ADGB: variants seen among roughly 807,000 people sequenced by gnomAD.
The protein encoded by ADGB is androglobin.
A neutral mutation model predicts 210.5 loss-of-function variants in ADGB; 172 were observed. The observed-to-expected ratio is 0.82, with a 90% CI of 0.72 to 0.93. ADGB has a LOEUF of 0.93. Ranked by LOEUF, ADGB falls within the 40% of genes least tolerant of loss-of-function variation. The pLI is 0.00. For synonymous variants in ADGB, 658 were observed against 662.7 expected, an observed-to-expected ratio of 0.99 and a Z score of 0.11; for missense variants, 2,025 against 1,964.8, an observed-to-expected ratio of 1.03 and a Z score of -0.58.
intron 6 of ADGB, 138 bp downstream of exon 6, chr6:146,664,478 T>C: frequency 1.2e-6 from 1 of 849,004 alleles, no homozygotes; most frequent in Non-Finnish European, 1.7e-6. Flanking sequence ...TGCTCTAGTA[T>C]AAAATCAAAT....
chr6:146,621,359 A>C (rs1257971520), intron 1 of ADGB, among the ~76,000 whole-genome samples: 1 of 152,084 alleles, frequency 6.6e-6, no homozygotes, highest in Non-Finnish European at 1.5e-5. Flanking sequence ...TACTGTGATT[A>C]GTGCCCAGTT....
chr6:146,612,401 C>A (rs1171615876), intron 1 of ADGB, among the ~76,000 whole-genome samples: 1 of 152,198 alleles, frequency 6.6e-6, no homozygotes. Flanking sequence ...GCTGTATACA[C>A]ACTTCCCATG....
At chr6:146,748,684 G>A (rs1029524182) in intron 26 of ADGB, among the ~76,000 whole-genome samples, 1 of 152,078 alleles carries the variant, frequency 6.6e-6, no homozygotes, top group Non-Finnish European at 1.5e-5. Context: ...CCTGCCTCAA[G>A]CAATCCTCTC....
At chr6:146,683,532 A>AT (rs1196260475) in intron 9 of ADGB, among the ~76,000 whole-genome samples, 2 of 152,064 alleles carry the variant, frequency 1.3e-5, no homozygotes, top group Non-Finnish European at 2.9e-5. Context: ...CACTTGTGTT[A>AT]TTTTTTAATA....
chr6:146,723,411 A>G (rs1478170755), intron 17 of ADGB, among the ~76,000 whole-genome samples: 1 of 152,214 alleles, frequency 6.6e-6, no homozygotes, highest in African/African-American at 2.4e-5. Flanking sequence ...CTATTTCTAC[A>G]TAATGTCAAA....
chr6:146,802,003 G>A lies in ADGB; in HGVS notation c.4810G>A (p.Glu1604Lys). ...GGATGAAGTCCTGGATATGTATAAG[G>A]AAATGCAGGTGAGTCTAAAAGCACA... is the stretch of plus-strand genomic sequence containing the variant. Reference protein sequence around the residue: ...LKDEVLDMYKEMQDSLDEARQ... With the variant: ...LKDEVLDMYKKMQDSLDEARQ... Residue 1604 changes from glutamate (E) to lysine (K), a missense_variant, in exon 35 of 36, where the codon GAA (glutamate) becomes AAA (lysine). Glu to Lys is a moderately conservative substitution (Grantham distance 56, BLOSUM62 1). Coordinates refer to ENST00000397944, the MANE Select transcript of ADGB (RefSeq NM_024694.4). 6.5e-7 allele frequency: 1 copy of A among 1,541,536 alleles called. No individual in the cohort carries two copies. Among genetic ancestry groups the A allele is most frequent in the Non-Finnish European group, 8.7e-7 (1 of 1,143,224 alleles).
chr6:146,806,192 GA>G (rs35342924), intron 35 of ADGB, among the ~76,000 whole-genome samples: 5 of 152,162 alleles, frequency 3.3e-5, no homozygotes, highest in African/African-American at 9.7e-5. Flanking sequence ...AGGAAACGGG[GA>G]AAAAATACTA....
At chr6:146,738,075 C>G (rs1456909142) in intron 23 of ADGB, among the ~76,000 whole-genome samples, 1 of 152,132 alleles carries the variant, frequency 6.6e-6, no homozygotes, top group Non-Finnish European at 1.5e-5. Context: ...GAAGCTAACC[C>G]CAGCTCTACT....
At chr6:146,691,499 T>A (rs1776326290) in intron 11 of ADGB, among the ~76,000 whole-genome samples, 1 of 26,596 alleles carries the variant, frequency 3.8e-5, no homozygotes, top group African/African-American at 2.5e-4. Flanking sequence ...TATATATATA[T>A]ATTTTTTTTT....
Position 146,763,563 on chromosome 6 carries a change from G to A in ADGB, c.3551-338G>A, listed in dbSNP as rs182938566. 2.5e-4 allele frequency among the ~76,000 whole-genome samples: 38 copies of A among 152,280 alleles called. No homozygotes were observed. In the East Asian group the frequency reaches 6.0e-3, roughly 24 times the overall value. On this transcript the variant is annotated intron_variant, in intron 27 of 35. Coordinates refer to ENST00000397944, the MANE Select transcript of ADGB (RefSeq NM_024694.4). ...TAAAGAGAAAGTCTTTTATAAGTGT[G>A]ATAACATACATATGTGGCATTAAAC...
At chr6:146,745,478 T>C (rs75435272) in intron 25 of ADGB, among the ~76,000 whole-genome samples, 1,777 of 152,320 alleles carry the variant, frequency 0.012, 26 homozygotes, top group African/African-American at 0.04. Flanking sequence ...GTTTTACCTG[T>C]CATGTCAACA....
At chr6:146,686,394 G>A (rs1035975718) in intron 10 of ADGB, among the ~76,000 whole-genome samples, 4 of 151,964 alleles carry the variant, frequency 2.6e-5, no homozygotes, top group Non-Finnish European at 1.5e-5. Context: ...AAATGGTAAG[G>A]CATAGGCCCT....
chr6:146,670,758 C>T lies in ADGB; in HGVS notation c.840-1462C>T, dbSNP rs80336348. Among the ~76,000 whole-genome samples the T allele has an allele frequency of 5.4e-3, 815 of 152,192 alleles. 8 individuals are homozygous for T. The highest frequency in any genetic ancestry group is 0.018 in the African/African-American group (756 of 41,532). Reference sequence around the variant, plus strand: ...AATGTAGTGCCTTCTGTGTTTAGAACAGTGACACGGAATGACTGGGATACA... The same window carrying T: ...AATGTAGTGCCTTCTGTGTTTAGAATAGTGACACGGAATGACTGGGATACA... On this transcript the variant is annotated intron_variant, in intron 7 of 35. Transcript: ENST00000397944.
rs139074396 is a variant in ADGB, at chr6:146,680,377, A to G, written c.1216+3936A>G. ...TGCTGGTCAAGAAGGTTCATTTTGT[A>G]CTTTATATGAACAAAAAGAAACTAT... is the stretch of plus-strand genomic sequence containing the variant. On this transcript the variant is annotated intron_variant, in intron 9 of 35. Coordinates refer to ENST00000397944, the MANE Select transcript of ADGB (RefSeq NM_024694.4). 6.2e-4 allele frequency among the ~76,000 whole-genome samples: 94 copies of G among 152,300 alleles called. 1 individual carries two copies. Among genetic ancestry groups the G allele is most frequent in the African/African-American group, 2.2e-3 (90 of 41,570 alleles).
intron 10 of ADGB, among the ~76,000 whole-genome samples, 172 bp from the exon 11 acceptor site, chr6:146,690,944 A>T (rs1190703921): frequency 6.6e-6 from 1 of 152,152 alleles, no homozygotes; most frequent in South Asian, 2.1e-4. Context: ...AATTTAAAAG[A>T]TGGAAAGAAA....
rs185706594 is a variant in ADGB, at chr6:146,785,794, G to C, written c.4315+82G>C. 7 of 1,027,266 alleles carry C rather than the reference G, an allele frequency of 6.8e-6. No individual in the cohort carries two copies. In the African/African-American group the frequency reaches 9.6e-5, roughly 14 times the overall value. 63.6% of individuals were successfully genotyped at this position (1,027,266 alleles called of 1,614,324 possible). A position where few individuals can be genotyped will look rare whatever the true frequency, so the allele number is the denominator to read the frequency against. ...CTTAAAAAAATAATCAGTGGGTTGTGCTTGGTGAAAAGGAGACATTTCAGA... is the reference window on the plus strand; with the variant it reads ...CTTAAAAAAATAATCAGTGGGTTGTCCTTGGTGAAAAGGAGACATTTCAGA... On this transcript the variant is annotated intron_variant, in intron 32 of 35. Coordinates refer to ENST00000397944, the MANE Select transcript of ADGB (RefSeq NM_024694.4).
At chr6:146,695,352 T>G (rs980374174) in intron 12 of ADGB, among the ~76,000 whole-genome samples, 10 of 152,166 alleles carry the variant, frequency 6.6e-5, no homozygotes, top group Admixed American at 2.0e-4. Context: ...AACGTTGCTT[T>G]GTATATACTT....
intron 3 of ADGB, among the ~76,000 whole-genome samples, chr6:146,652,621 T>C (rs892438463): frequency 7.2e-5 from 11 of 152,146 alleles, no homozygotes; most frequent in African/African-American, 2.4e-4. Context: ...TATATTATTA[T>C]TATTTATTGG....
chr6:146,809,455 C>A (rs982909043), intron 35 of ADGB, among the ~76,000 whole-genome samples: 2 of 152,064 alleles, frequency 1.3e-5, no homozygotes, highest in Non-Finnish European at 2.9e-5. Flanking sequence ...ATCCACCCCC[C>A]TCGGCCTCCT....
Sources: allele counts gnomAD v4.1 joint callset (sites outside exome capture counted in the v4.1 genomes callset), GRCh38; gene constraint gnomAD v4.1.1; transcripts MANE v1.5; gene names NCBI Gene and HGNC (gene_info 2026-07-23, HGNC 2026-07-21).